Variants in ARHGAP24 observed in about 807,000 individuals in gnomAD.
ARHGAP24 encodes the protein rho GTPase-activating protein 24.
ARHGAP24 carries 50 observed loss-of-function variants against 76.4 expected under a neutral mutation model. That is an observed-to-expected ratio of 0.65 (90% CI 0.52 to 0.83). The LOEUF (loss-of-function observed/expected upper bound fraction) is 0.83. ARHGAP24 is among the 40% of genes least tolerant of loss of function. The pLI, the probability that ARHGAP24 is intolerant of heterozygous loss-of-function variation, is 0.00. For missense variants in ARHGAP24, 930 were observed against 914.2 expected (o/e 1.02, Z -0.22); for synonymous variants, 345 against 323.3 (o/e 1.07, Z -0.72).
intron 1 of ARHGAP24, among the ~76,000 whole-genome samples, chr4:85,555,251 G>A (rs942254378): frequency 6.6e-6 from 1 of 152,160 alleles, no homozygotes; most frequent in Non-Finnish European, 1.5e-5. Context: ...TCTGTGTGGG[G>A]TGATTCAATG....
At chr4:85,887,068 A>G (rs1669020590) in intron 3 of ARHGAP24, among the ~76,000 whole-genome samples, 1 of 152,158 alleles carries the variant, frequency 6.6e-6, no homozygotes, top group Non-Finnish European at 1.5e-5. Flanking sequence ...TTTTGAAGTA[A>G]CAAGAGCATA....
Position 85,672,517 on chromosome 4 carries a change from C to T in ARHGAP24, c.181-49368C>T, listed in dbSNP as rs529055410. Among the ~76,000 whole-genome samples the T allele has an allele frequency of 5.3e-5, 8 of 152,304 alleles. No homozygotes were observed. The South Asian group carries it at 1.4e-3, about 28-fold the overall frequency. On this transcript the variant is annotated intron_variant, in intron 2 of 9. Coordinates refer to ENST00000395184, the MANE Select transcript of ARHGAP24 (RefSeq NM_001025616.3). ...CATCCTACCTTTGGTTGGAGTTGCACAGGCTGATCTTGGCAGTTGAGTTAA... is the reference window on the plus strand; with the variant it reads ...CATCCTACCTTTGGTTGGAGTTGCATAGGCTGATCTTGGCAGTTGAGTTAA...
intron 3 of ARHGAP24, among the ~76,000 whole-genome samples, chr4:85,743,053 A>G (rs188432829): frequency 1.9e-4 from 29 of 152,260 alleles, no homozygotes; most frequent in Admixed American, 1.8e-3. Context: ...TCCAGATCTC[A>G]GTTAAAATGA....
intron 3 of ARHGAP24, chr4:85,723,720 C>A (rs537973259): frequency 1.3e-5 from 2 of 152,194 alleles, no homozygotes; most frequent in East Asian, 1.9e-4. Flanking sequence ...GAGAAGTGTT[C>A]CAAATGTATC....
At chr4:85,885,363 G>A (rs922884007) in intron 3 of ARHGAP24, among the ~76,000 whole-genome samples, 2 of 151,972 alleles carry the variant, frequency 1.3e-5, no homozygotes, top group African/African-American at 2.4e-5. Context: ...TTTTAATTGT[G>A]CTTTTCAACT....
intron 3 of ARHGAP24, among the ~76,000 whole-genome samples, chr4:85,815,047 C>A (rs1447200398): frequency 1.3e-5 from 2 of 149,224 alleles, no homozygotes; most frequent in African/African-American, 2.5e-5. Context: ...ATGGCCCGAG[C>A]TCTACATTGG....
chr4:85,749,162 C>T (rs966718850), intron 3 of ARHGAP24, among the ~76,000 whole-genome samples: 10 of 152,304 alleles, frequency 6.6e-5, no homozygotes, highest in Admixed American at 5.9e-4. Context: ...ACACACAAAT[C>T]TAATATGTTG....
intron 3 of ARHGAP24, among the ~76,000 whole-genome samples, chr4:85,807,023 T>G (rs1728819234): frequency 6.6e-6 from 1 of 152,248 alleles, no homozygotes; most frequent in South Asian, 2.1e-4. Context: ...AAAGATATTT[T>G]CAGCTAATGC....
At chr4:85,823,089 G>A (rs140701329) in intron 3 of ARHGAP24, among the ~76,000 whole-genome samples, 1 of 152,068 alleles carries the variant, frequency 6.6e-6, no homozygotes, top group African/African-American at 2.4e-5. Flanking sequence ...ACTATTTTCT[G>A]CTCTTTCTTT....
intron 1 of ARHGAP24, among the ~76,000 whole-genome samples, chr4:85,517,229 G>A (rs1425999317): frequency 1.3e-5 from 2 of 152,074 alleles, no homozygotes; most frequent in Non-Finnish European, 2.9e-5. Context: ...ACCATTATAT[G>A]TGAGTTAATA....
chr4:85,996,070 A>G (rs1326721277), intron 9 of ARHGAP24, among the ~76,000 whole-genome samples: 1 of 152,216 alleles, frequency 6.6e-6, no homozygotes, highest in Non-Finnish European at 1.5e-5. Context: ...TAAAAAAAGT[A>G]GAAGTAAATA....
At chr4:85,613,430 T>C (rs903710010) in intron 2 of ARHGAP24, among the ~76,000 whole-genome samples, 3 of 152,254 alleles carry the variant, frequency 2.0e-5, no homozygotes, top group African/African-American at 7.2e-5. Flanking sequence ...AATACGTATA[T>C]ATACATATGT....
chr4:85,596,969 G>A (rs956467006), intron 2 of ARHGAP24, among the ~76,000 whole-genome samples: 5 of 152,032 alleles, frequency 3.3e-5, no homozygotes, highest in South Asian at 2.1e-4. Flanking sequence ...TAAATCCATC[G>A]TTTGTAAACA....
chr4:85,839,541 C>G (rs1465158388), intron 3 of ARHGAP24, among the ~76,000 whole-genome samples: 1 of 152,034 alleles, frequency 6.6e-6, no homozygotes, highest in Non-Finnish European at 1.5e-5. Context: ...ACCTCTGCCT[C>G]CTGGGTTCAA....
At chr4:85,905,767 C>G (rs1471958117) in intron 3 of ARHGAP24, among the ~76,000 whole-genome samples, 1 of 152,178 alleles carries the variant, frequency 6.6e-6, no homozygotes, top group Non-Finnish European at 1.5e-5. Flanking sequence ...CTGTCAGAAG[C>G]AGTCGGTTTC....
intron 3 of ARHGAP24, among the ~76,000 whole-genome samples, chr4:85,727,542 A>G (rs757595962): frequency 1.1e-4 from 17 of 152,186 alleles, no homozygotes; most frequent in Non-Finnish European, 2.1e-4. Context: ...AATAAAGGTA[A>G]CAAAGGTGGA....
intron 6 of ARHGAP24, among the ~76,000 whole-genome samples, chr4:85,973,239 C>T (rs573417109): frequency 2.0e-5 from 3 of 152,100 alleles, no homozygotes; most frequent in South Asian, 4.2e-4. Flanking sequence ...CGAGTAAAGT[C>T]GTATCTCATT....
chr4:85,625,246 T>C (rs929597852), intron 2 of ARHGAP24, among the ~76,000 whole-genome samples: 2 of 152,200 alleles, frequency 1.3e-5, no homozygotes, highest in Non-Finnish European at 2.9e-5. Context: ...GCTTTGAATG[T>C]GTCCCAGAGA....
chr4:85,695,863 C>T lies in ARHGAP24; in HGVS notation c.181-26022C>T, dbSNP rs367777767. ...TCAAATCCACAGTACATATGGTACC[C>T]AATAGCAAATACAATTCCATAGAGG... is the stretch of plus-strand genomic sequence containing the variant. On this transcript the variant is annotated intron_variant, in intron 2 of 9. Transcript: ENST00000395184. 5.3e-5 allele frequency among the ~76,000 whole-genome samples: 8 copies of T among 152,080 alleles called. No homozygotes were observed. The South Asian group carries it at 8.3e-4, about 16-fold the overall frequency.
Sources: allele counts gnomAD v4.1 joint callset (sites outside exome capture counted in the v4.1 genomes callset), GRCh38; gene constraint gnomAD v4.1.1; transcripts MANE v1.5; gene names NCBI Gene and HGNC (gene_info 2026-07-23, HGNC 2026-07-21).